Variants in LINGO2 observed in about 807,000 individuals in gnomAD.
The protein encoded by LINGO2 is leucine-rich repeat and immunoglobulin-like domain-containing nogo receptor-interacting protein 2.
LINGO2 carries 14 observed loss-of-function variants against 30.6 expected under a neutral mutation model. The ratio of observed to expected loss-of-function variants is 0.46; its 90% CI spans 0.30 to 0.72. The LOEUF is 0.72. Among genes scored for constraint, LINGO2 ranks in the 30% least tolerant of loss-of-function variants. The probability of loss-of-function intolerance (pLI) is 0.07; values close to 1 mark genes in which losing one functional copy is unlikely to be tolerated. For synonymous variants in LINGO2, 317 were observed against 288.5 expected (o/e 1.10, Z -1.00); for missense variants, 729 against 751.7 (o/e 0.97, Z 0.35).
At chr9:28,479,615 A>T (rs939700654) in intron 1 of LINGO2, among the ~76,000 whole-genome samples, 1 of 151,804 alleles carries the variant, frequency 6.6e-6, no homozygotes, top group Non-Finnish European at 1.5e-5. Flanking sequence ...GACCCATGTA[A>T]TACATAAATG....
chr9:29,061,704 T>C, the LINGO2 span, among the ~76,000 whole-genome samples: 2 of 151,944 alleles, frequency 1.3e-5, no homozygotes, highest in African/African-American at 4.8e-5. Context: ...AAGGCTTAAA[T>C]ATAAGAACTA....
At chr9:28,937,066 T>C in the LINGO2 span, among the ~76,000 whole-genome samples, 6 of 152,136 alleles carry the variant, frequency 3.9e-5, no homozygotes, top group African/African-American at 1.4e-4. Flanking sequence ...TTAATTACCT[T>C]CTTAAAGACA....
intron 5 of LINGO2, among the ~76,000 whole-genome samples, chr9:28,006,754 G>T (rs560584197): frequency 2.9e-4 from 44 of 152,238 alleles, no homozygotes; most frequent in African/African-American, 1.1e-3. Context: ...TCTCAGAGGA[G>T]TTATCTAGCA....
intron 5 of LINGO2, among the ~76,000 whole-genome samples, chr9:27,984,795 A>G (rs140880426): frequency 7.2e-4 from 109 of 152,038 alleles, no homozygotes; most frequent in Middle Eastern, 3.4e-3. Context: ...GTTTCTAAAA[A>G]AATCTTTATA....
chr9:28,619,339 G>A (rs186856895), intron 1 of LINGO2, among the ~76,000 whole-genome samples: 3 of 151,908 alleles, frequency 2.0e-5, no homozygotes. Context: ...AGAAGGATTC[G>A]ACAAAACAAA....
At chr9:28,558,574 A>C (rs1822874161) in intron 1 of LINGO2, among the ~76,000 whole-genome samples, 1 of 151,996 alleles carries the variant, frequency 6.6e-6, no homozygotes, top group Non-Finnish European at 1.5e-5. Flanking sequence ...CAGAAGTCTA[A>C]CTGTTCAAGA....
At chr9:28,733,099 A>C in the LINGO2 span, among the ~76,000 whole-genome samples, 1 of 152,214 alleles carries the variant, frequency 6.6e-6, no homozygotes, top group Non-Finnish European at 1.5e-5. Context: ...ATATTGCTTA[A>C]AACAGGATGA....
chr9:29,198,415 T>C, the LINGO2 span, among the ~76,000 whole-genome samples: 4 of 152,134 alleles, frequency 2.6e-5, no homozygotes, highest in African/African-American at 9.7e-5. Context: ...TGGGAAATTG[T>C]TGAGCTGCTA....
chr9:28,552,868 A>C (rs1459594713), intron 1 of LINGO2, among the ~76,000 whole-genome samples: 2 of 147,302 alleles, frequency 1.4e-5, no homozygotes, highest in African/African-American at 5.0e-5. Flanking sequence ...CATTTACACT[A>C]TCTTAGTTTC....
the LINGO2 span, among the ~76,000 whole-genome samples, chr9:28,968,712 C>T: frequency 6.6e-6 from 1 of 152,090 alleles, no homozygotes. Flanking sequence ...CTTCATATCC[C>T]AGATTCCATA....
the LINGO2 span, among the ~76,000 whole-genome samples, chr9:28,763,479 T>A: frequency 6.6e-6 from 1 of 151,818 alleles, no homozygotes; most frequent in Admixed American, 6.6e-5. Context: ...TTAGAAAATA[T>A]CTCAAGACAA....
the LINGO2 span, among the ~76,000 whole-genome samples, chr9:29,102,797 T>C: frequency 8.5e-5 from 13 of 152,170 alleles, no homozygotes; most frequent in Admixed American, 3.9e-4. Context: ...AAACATTACA[T>C]CTAGAGATAC....
chr9:28,205,311 T>C (rs1022489373), intron 4 of LINGO2, among the ~76,000 whole-genome samples: 1 of 152,216 alleles, frequency 6.6e-6, no homozygotes, highest in Non-Finnish European at 1.5e-5. Context: ...TGCTGTTCCT[T>C]TAACCTGGAA....
At chr9:28,620,906 A>G (rs1020958953) in intron 1 of LINGO2, among the ~76,000 whole-genome samples, 1 of 152,046 alleles carries the variant, frequency 6.6e-6, no homozygotes, top group African/African-American at 2.4e-5. Context: ...TGATGAAATA[A>G]TCTGTACAAC....
chr9:28,085,793 T>C (rs1825895701), intron 4 of LINGO2, among the ~76,000 whole-genome samples: 1 of 152,072 alleles, frequency 6.6e-6, no homozygotes, highest in Admixed American at 6.6e-5. Flanking sequence ...TCAAGAATAG[T>C]GTGTGGTTAA....
chr9:28,624,207 T>C (rs1344245358), intron 1 of LINGO2, among the ~76,000 whole-genome samples: 1 of 152,256 alleles, frequency 6.6e-6, no homozygotes, highest in East Asian at 1.9e-4. Context: ...ATTCTAGTAT[T>C]ATGTTGAAAA....
At chr9:28,097,838 T>C (rs1055104485) in intron 4 of LINGO2, among the ~76,000 whole-genome samples, 3 of 144,518 alleles carry the variant, frequency 2.1e-5, no homozygotes, top group African/African-American at 7.8e-5. Context: ...AATATAATAA[T>C]AATGAAATAA....
the LINGO2 span, among the ~76,000 whole-genome samples, chr9:28,854,034 T>G: frequency 6.6e-6 from 1 of 152,108 alleles, no homozygotes; most frequent in East Asian, 1.9e-4. Context: ...ATTCTCCCCA[T>G]AGAAGTTGCA....
the LINGO2 span, among the ~76,000 whole-genome samples, chr9:28,718,246 A>G: frequency 1.3e-5 from 2 of 151,966 alleles, no homozygotes; most frequent in Non-Finnish European, 2.9e-5. Context: ...AGCCTGAATA[A>G]TATGCCCAGT....
Sources: gnomAD v4.1 joint callset for allele counts (sites outside exome capture counted in the v4.1 genomes callset) on GRCh38, gnomAD v4.1.1 for gene constraint, MANE v1.5 for transcripts, NCBI Gene and HGNC (gene_info 2026-07-23, HGNC 2026-07-21) for gene names.